KLF5: variants seen among roughly 807,000 people sequenced by gnomAD.
KLF5 encodes KLF transcription factor 5, also known as Krueppel-like factor 5.
Under a neutral mutation model 36.9 loss-of-function variants are expected in KLF5, and 9 were observed. The observed-to-expected ratio is 0.24, with a 90% CI of 0.15 to 0.43. The LOEUF (loss-of-function observed/expected upper bound fraction) is 0.43, where lower values mean the gene tolerates loss of function less well. KLF5 is among the 20% of genes least tolerant of loss of function. The pLI is 1.00. For synonymous variants in KLF5, 246 were observed against 241.7 expected (o/e 1.02, Z -0.17); for missense variants, 524 against 599.5 (o/e 0.87, Z 1.31).
intron 3 of KLF5, among the ~76,000 whole-genome samples, chr13:73,067,501 C>G (rs2044688547): frequency 6.6e-6 from 1 of 152,222 alleles, no homozygotes; most frequent in Non-Finnish European, 1.5e-5. Context: ...CGGTTCCCTT[C>G]ATGTGCGTGG....
chr13:73,067,420 A>G (rs1243044670), intron 3 of KLF5, among the ~76,000 whole-genome samples: 1 of 152,254 alleles, frequency 6.6e-6, no homozygotes, highest in Non-Finnish European at 1.5e-5. Context: ...TAGAAATTTA[A>G]AAAGTTCTTA....
Position 73,076,032 on chromosome 13 carries a change from CAG to C in KLF5, c.*147_*148del, listed in dbSNP as rs1196450230. The C allele has an allele frequency of 2.7e-5, 18 of 670,766 alleles. 1 individual carries two copies. The highest frequency in any genetic ancestry group is 1.4e-4 in the African/African-American group (8 of 55,218). 41.6% of individuals were successfully genotyped at this position (670,766 alleles called of 1,614,324 possible). ...TGTATATTTTGTATATTTGAGAAAA[CAG>C]GGAATACATTGTATTAATACCAAAG... On this transcript the variant is annotated 3_prime_UTR_variant, in exon 4 of 4. Coordinates refer to ENST00000377687, the MANE Select transcript of KLF5 (RefSeq NM_001730.5).
chr13:73,067,584 T>C (rs1397703147), intron 3 of KLF5, among the ~76,000 whole-genome samples: 1 of 152,086 alleles, frequency 6.6e-6, no homozygotes, highest in Admixed American at 6.5e-5. Flanking sequence ...CTAGATTTTT[T>C]CTTTCTTTTT....
intron 2 of KLF5, 56 bp downstream of exon 2, chr13:73,062,790 T>TG: frequency 6.6e-7 from 1 of 1,515,570 alleles, no homozygotes; most frequent in African/African-American, 1.6e-5. Flanking sequence ...TGTGTGTGTG[T>TG]CTGTGTGCGC....
At chr13:73,057,812 G>T (rs550036993), upstream of KLF5, among the ~76,000 whole-genome samples, 1 of 152,244 alleles carries the variant, frequency 6.6e-6, no homozygotes, top group Admixed American at 6.5e-5. Context: ...GCAGTTTATT[G>T]TTCCGTCCTC....
chr13:73,067,204 T>A (rs2044686446), intron 3 of KLF5, among the ~76,000 whole-genome samples: 1 of 152,238 alleles, frequency 6.6e-6, no homozygotes, highest in Non-Finnish European at 1.5e-5. Context: ...GCTATTACTC[T>A]AAAGTTGCTC....
At chr13:73,058,178 A>C (rs2044595948), upstream of KLF5, among the ~76,000 whole-genome samples, 1 of 152,230 alleles carries the variant, frequency 6.6e-6, no homozygotes, top group Admixed American at 6.5e-5. Flanking sequence ...AGTCGTGCTT[A>C]AATTAGATTC....
At chr13:73,067,076 A>G (rs563041118) in intron 3 of KLF5, among the ~76,000 whole-genome samples, 6 of 152,286 alleles carry the variant, frequency 3.9e-5, no homozygotes, top group Admixed American at 6.5e-5. Flanking sequence ...CTTCTAGGTA[A>G]CAATGTCAAT....
At chr13:73,070,076 TG>T (rs1308184446) in intron 3 of KLF5, among the ~76,000 whole-genome samples, 1 of 152,210 alleles carries the variant, frequency 6.6e-6, no homozygotes, top group Non-Finnish European at 1.5e-5. Context: ...ATTCCTAGTC[TG>T]TTAGCCAGTA....
chr13:73,055,270 A>G (rs1224888174), upstream of KLF5: 3 of 152,320 alleles, frequency 2.0e-5, no homozygotes, highest in East Asian at 5.8e-4. Flanking sequence ...ATATTTTAAG[A>G]AGAACACATT....
intron 3 of KLF5, among the ~76,000 whole-genome samples, chr13:73,069,521 G>A (rs9573094): frequency 0.34 from 51,047 of 151,176 alleles, 9,740 homozygotes; most frequent in East Asian, 0.7. Flanking sequence ...TTCATTTGCA[G>A]CTTTGAAATT....
upstream of KLF5, among the ~76,000 whole-genome samples, chr13:73,056,798 C>T (rs142355240): frequency 1.3e-5 from 2 of 152,270 alleles, no homozygotes; most frequent in Non-Finnish European, 2.9e-5. Context: ...AATTTTAAAA[C>T]CTGCTACTGT....
chr13:73,068,190 A>G (rs1297224952), intron 3 of KLF5, among the ~76,000 whole-genome samples: 2 of 152,196 alleles, frequency 1.3e-5, no homozygotes, highest in Non-Finnish European at 2.9e-5. Context: ...TGTTTAGGAA[A>G]GATTTCCACA....
chr13:73,060,229 C>A (rs2139101587), intron 1 of KLF5, among the ~76,000 whole-genome samples: 1 of 151,840 alleles, frequency 6.6e-6, no homozygotes, highest in Non-Finnish European at 1.5e-5. Context: ...CTCCCGGAGC[C>A]GCGTTGAAAG....
chr13:73,074,201 A>G (rs1220070983), intron 3 of KLF5, among the ~76,000 whole-genome samples: 2 of 152,212 alleles, frequency 1.3e-5, no homozygotes, highest in African/African-American at 4.8e-5. Flanking sequence ...ACAAAAATAT[A>G]TTAACCACAA....
At chr13:73,069,563 T>G (rs1160881993) in intron 3 of KLF5, among the ~76,000 whole-genome samples, 1 of 152,204 alleles carries the variant, frequency 6.6e-6, no homozygotes, top group African/African-American at 2.4e-5. Context: ...CAAACAATTT[T>G]TTTTTAAAGT....
In KLF5 at chr13:73,072,985, G is replaced by A. The variant is rs549471667; in HGVS notation, c.1196-2723G>A. Among the ~76,000 whole-genome samples the A allele has an allele frequency of 5.3e-5, 8 of 152,256 alleles. No individual in the cohort carries two copies. In the East Asian group the frequency reaches 1.2e-3, roughly 22 times the overall value. On this transcript the variant is annotated intron_variant, in intron 3 of 3. Transcript: ENST00000377687. ...TCTTTTTGCCTTTGGAAAGTTTCACGTTAACAGCATGAGAACTTAAAAATA... is the reference window on the plus strand; with the variant it reads ...TCTTTTTGCCTTTGGAAAGTTTCACATTAACAGCATGAGAACTTAAAAATA...
At chr13:73,071,749 A>AT (rs2044723492) in intron 3 of KLF5, among the ~76,000 whole-genome samples, 1 of 152,196 alleles carries the variant, frequency 6.6e-6, no homozygotes, top group Non-Finnish European at 1.5e-5. Context: ...ATAAGAGCCC[A>AT]TTTTGAGCTT....
At chr13:73,071,704 A>G (rs929171807) in intron 3 of KLF5, among the ~76,000 whole-genome samples, 8 of 152,194 alleles carry the variant, frequency 5.3e-5, no homozygotes, top group African/African-American at 9.6e-5. Flanking sequence ...AAATCTAATT[A>G]TTATTGAATT....
Sources: allele counts gnomAD v4.1 joint callset (sites outside exome capture counted in the v4.1 genomes callset), GRCh38; gene constraint gnomAD v4.1.1; transcripts MANE v1.5; gene names NCBI Gene and HGNC (gene_info 2026-07-23, HGNC 2026-07-21).